The following CTNNA2 variants were observed in gnomAD, a reference collection of about 807,000 sequenced individuals.
CTNNA2 encodes catenin alpha 2.
A neutral mutation model predicts 101.0 loss-of-function variants in CTNNA2; 42 were observed. That is an observed-to-expected ratio of 0.42 (90% CI 0.32 to 0.54). The LOEUF is 0.54. Ranked by LOEUF, CTNNA2 falls within the 20% of genes least tolerant of loss-of-function variation. CTNNA2 has a pLI of 0.14. For synonymous variants in CTNNA2, 450 were observed against 456.4 expected, an observed-to-expected ratio of 0.99 and a Z score of 0.18; for missense variants, 871 against 1,223.1, an observed-to-expected ratio of 0.71 and a Z score of 4.29.
At chr2:79,515,760 G>C (rs928182479) in intron 1 of CTNNA2, among the ~76,000 whole-genome samples, 2 of 152,170 alleles carry the variant, frequency 1.3e-5, no homozygotes, top group Admixed American at 6.5e-5. Flanking sequence ...GATAAAGACT[G>C]ACTTCCTCTG....
chr2:79,971,747 C>T (rs926355933), intron 7 of CTNNA2, among the ~76,000 whole-genome samples: 1 of 152,204 alleles, frequency 6.6e-6, no homozygotes, highest in Non-Finnish European at 1.5e-5. Context: ...TCTTGAAACG[C>T]TGTGGCTTAA....
At chr2:80,324,367 G>A (rs1047197055) in intron 7 of CTNNA2, among the ~76,000 whole-genome samples, 3 of 152,072 alleles carry the variant, frequency 2.0e-5, no homozygotes, top group Middle Eastern at 3.2e-3. Context: ...CTTCCATGCT[G>A]AGCTCATTTC....
At chr2:80,382,967 T>G (rs1676650663) in intron 7 of CTNNA2, among the ~76,000 whole-genome samples, 1 of 152,250 alleles carries the variant, frequency 6.6e-6, no homozygotes, top group Non-Finnish European at 1.5e-5. Context: ...AATTTGCACT[T>G]TTGCCTTAAC....
chr2:80,411,362 G>A (rs1679556966), intron 8 of CTNNA2, among the ~76,000 whole-genome samples: 1 of 152,058 alleles, frequency 6.6e-6, no homozygotes, highest in African/African-American at 2.4e-5. Context: ...TACTCCCAGA[G>A]TAGGGATTCA....
Position 79,720,571 on chromosome 2 carries a change from A to C in CTNNA2, c.103-23816A>C, listed in dbSNP as rs79043260. Reference sequence around the variant, plus strand: ...CGTGTTTTCTCTGAATTCTGTCAGCAGTTTTGTAGTTCTTTTTGTAGGGAA... The same window carrying C: ...CGTGTTTTCTCTGAATTCTGTCAGCCGTTTTGTAGTTCTTTTTGTAGGGAA... On this transcript the variant is annotated intron_variant, in intron 2 of 18. Coordinates refer to ENST00000402739, the MANE Select transcript of CTNNA2 (RefSeq NM_001282597.3). Among the ~76,000 whole-genome samples, 1,690 of 152,160 alleles carry C rather than the reference A, an allele frequency of 0.011. 62 individuals carry two copies. In the East Asian group the frequency reaches 0.12, roughly 11 times the overall value.
At chr2:80,026,953 A>C (rs867639803) in intron 7 of CTNNA2, among the ~76,000 whole-genome samples, 7 of 152,362 alleles carry the variant, frequency 4.6e-5, no homozygotes, top group Middle Eastern at 3.4e-3. Flanking sequence ...GGTAGATTTC[A>C]TCCCTACTCA....
chr2:80,094,204 A>G (rs1432915758), intron 7 of CTNNA2, among the ~76,000 whole-genome samples: 1 of 152,194 alleles, frequency 6.6e-6, no homozygotes, highest in African/African-American at 2.4e-5. Flanking sequence ...GAAGGGATCC[A>G]GTTTCAGCTT....
At chr2:79,776,220 A>C (rs1337045650) in intron 3 of CTNNA2, among the ~76,000 whole-genome samples, 3 of 151,992 alleles carry the variant, frequency 2.0e-5, no homozygotes, top group Non-Finnish European at 2.9e-5. Context: ...TTGTTTGTAT[A>C]TGCCTTAGAT....
intron 3 of CTNNA2, among the ~76,000 whole-genome samples, chr2:79,796,846 C>T (rs1197131512): frequency 2.6e-5 from 4 of 152,160 alleles, no homozygotes; most frequent in Admixed American, 6.5e-5. Flanking sequence ...ATTATGCATT[C>T]CTGCTGTGGC....
chr2:80,425,637 G>T (rs952033015), intron 9 of CTNNA2, among the ~76,000 whole-genome samples: 1 of 152,120 alleles, frequency 6.6e-6, no homozygotes, highest in Non-Finnish European at 1.5e-5. Flanking sequence ...AATCAGTGAT[G>T]ATGGTTTTAG....
intron 7 of CTNNA2, among the ~76,000 whole-genome samples, chr2:80,052,685 G>A (rs984366477): frequency 6.6e-6 from 1 of 152,212 alleles, no homozygotes; most frequent in Admixed American, 6.5e-5. Context: ...CTGAAGTAGT[G>A]TAACTATGAA....
intron 4 of CTNNA2, among the ~76,000 whole-genome samples, chr2:79,432,009 A>T (rs906771626): frequency 2.0e-5 from 3 of 152,212 alleles, no homozygotes; most frequent in Non-Finnish European, 4.4e-5. Context: ...TACTGGAAAG[A>T]TATTATAGGT....
chr2:80,559,891 T>TTTATATATATATAGATATATATATACAC (rs67796030), intron 12 of CTNNA2, among the ~76,000 whole-genome samples: 1 of 146,818 alleles, frequency 6.8e-6, no homozygotes. Context: ...TATATATATA[T>TTTATATATATATAGATATATATATACAC]ACACACACAT....
intron 4 of CTNNA2, among the ~76,000 whole-genome samples, chr2:79,410,280 G>A: frequency 7.0e-6 from 1 of 143,628 alleles, no homozygotes; most frequent in African/African-American, 2.6e-5. Context: ...TTTCCTAATT[G>A]AATACCCTTT....
chr2:79,338,575 A>ATCTTCTTTT (rs1239699778), intron 3 of CTNNA2, among the ~76,000 whole-genome samples: 2,763 of 115,496 alleles, frequency 0.024, 65 homozygotes, highest in South Asian at 0.038. Context: ...CTTCCTCCTC[A>ATCTTCTTTT]TCATCTTCTT....
chr2:79,232,461 G>A (rs186696508), intron 2 of CTNNA2, among the ~76,000 whole-genome samples: 45 of 151,906 alleles, frequency 3.0e-4, no homozygotes, highest in South Asian at 1.2e-3. Flanking sequence ...TCAGTTTGTC[G>A]AGTACCTATG....
At chr2:80,619,045 T>G in intron 17 of CTNNA2, 40 bp from the exon 18 acceptor site, 3 of 1,253,994 alleles carry the variant, frequency 2.4e-6, no homozygotes, top group Non-Finnish European at 3.1e-6. Context: ...TCTTTTGCTC[T>G]CTCTCTCATT....
upstream of CTNNA2, chr2:79,512,967 T>A (rs1024439695): frequency 1.3e-5 from 2 of 150,898 alleles, no homozygotes; most frequent in African/African-American, 2.4e-5. Context: ...CGCTCGCGCT[T>A]GGGCAGGACG....
At chr2:80,501,049 G>T (rs1270274342) in intron 9 of CTNNA2, among the ~76,000 whole-genome samples, 2 of 152,120 alleles carry the variant, frequency 1.3e-5, no homozygotes, top group Non-Finnish European at 2.9e-5. Context: ...GAGCCAGACA[G>T]GAATTCTTGT....
Sources: gnomAD v4.1 joint callset for allele counts (sites outside exome capture counted in the v4.1 genomes callset) on GRCh38, gnomAD v4.1.1 for gene constraint, MANE v1.5 for transcripts, NCBI Gene and HGNC (gene_info 2026-07-23, HGNC 2026-07-21) for gene names.